RASGRP3: variants seen among roughly 807,000 people sequenced by gnomAD.
RASGRP3 encodes ras guanyl-releasing protein 3.
Under a neutral mutation model 82.7 loss-of-function variants are expected in RASGRP3, and 54 were observed. That is an observed-to-expected ratio of 0.65 (90% confidence interval 0.52 to 0.82). The LOEUF is 0.82. Ranked by LOEUF, RASGRP3 falls within the 40% of genes least tolerant of loss-of-function variation. RASGRP3 has a pLI of 0.00. For missense variants in RASGRP3, 861 were observed against 828.9 expected (o/e 1.04, Z -0.48); for synonymous variants, 309 against 300.5 (o/e 1.03, Z -0.29).
intron 14 of RASGRP3, among the ~76,000 whole-genome samples, chr2:33,551,702 T>A (rs936240496): frequency 6.6e-6 from 1 of 151,042 alleles, no homozygotes; most frequent in Middle Eastern, 3.2e-3. Flanking sequence ...ATAACAATAA[T>A]AAAAAACTCG....
intron 14 of RASGRP3, among the ~76,000 whole-genome samples, chr2:33,552,628 G>A (rs1054273386): frequency 5.9e-5 from 9 of 152,230 alleles, no homozygotes; most frequent in Non-Finnish European, 1.0e-4. Flanking sequence ...TTCCAGTGCC[G>A]GAACCATCTG....
intron 1 of RASGRP3, among the ~76,000 whole-genome samples, chr2:33,486,255 C>G (rs1159349410): frequency 6.6e-6 from 1 of 151,664 alleles, no homozygotes; most frequent in African/African-American, 2.4e-5. Flanking sequence ...ACCTCTGTCT[C>G]CTAGTTCAAG....
intron 1 of RASGRP3, among the ~76,000 whole-genome samples, chr2:33,492,247 T>C (rs1012491957): frequency 3.3e-5 from 5 of 152,218 alleles, no homozygotes; most frequent in Admixed American, 6.5e-5. Flanking sequence ...CTTTGTCTTC[T>C]TCAGAAATCC....
intron 1 of RASGRP3, among the ~76,000 whole-genome samples, chr2:33,505,135 CCAT>C (rs762191069): frequency 2.7e-5 from 4 of 148,538 alleles, no homozygotes; most frequent in East Asian, 3.9e-4. Flanking sequence ...CATATCATCA[CCAT>C]CATCATCATC....
chr2:33,559,305 A>T (rs984477201), intron 17 of RASGRP3, among the ~76,000 whole-genome samples: 4 of 152,198 alleles, frequency 2.6e-5, no homozygotes, highest in Admixed American at 2.6e-4. Context: ...TACTGAAATG[A>T]TGCCCCAGAA....
At position 33,499,527 on chromosome 2, in the gene RASGRP3, C is replaced by T. The variant is rs141597084; in HGVS notation, c.-260-12183C>T. ...GTGCCAAGATCACGCCACTGCACTCCAGCCTGGGCAACGGAGTGAGACCCG... is the reference window on the plus strand; with the variant it reads ...GTGCCAAGATCACGCCACTGCACTCTAGCCTGGGCAACGGAGTGAGACCCG... On this transcript the variant is annotated intron_variant, in intron 1 of 17. Transcript: ENST00000403687. 9.4e-3 allele frequency among the ~76,000 whole-genome samples: 1,426 copies of T among 152,236 alleles called. 14 individuals are homozygous for T. Among genetic ancestry groups the T allele is most frequent in the African/African-American group, 0.025 (1,036 of 41,530 alleles).
chr2:33,448,785 G>A lies in RASGRP3; in HGVS notation c.-261+842G>A, dbSNP rs76661478. On this transcript the variant is annotated intron_variant, in intron 2 of 18. Coordinates refer to the RASGRP3 transcript ENST00000402538. ...TGAATGTAATTAATACCACTGAATA[G>A]TACACGTAAAAATGGTCAAAATAGC... Among the ~76,000 whole-genome samples, 574 of 152,106 alleles carry A rather than the reference G, an allele frequency of 3.8e-3. 1 individual carries two copies. Among genetic ancestry groups the A allele is most frequent in the African/African-American group, 0.013 (543 of 41,500 alleles).
chr2:33,436,847 G>T, intron 1 of RASGRP3, among the ~76,000 whole-genome samples: 1 of 152,108 alleles, frequency 6.6e-6, no homozygotes, highest in South Asian at 2.1e-4. Flanking sequence ...ATTATCAGGG[G>T]TTTAGATAGT....
chr2:33,469,332 C>T (rs969321580), intron 2 of RASGRP3, among the ~76,000 whole-genome samples: 1 of 152,038 alleles, frequency 6.6e-6, no homozygotes, highest in Non-Finnish European at 1.5e-5. Context: ...AAATCGTGAA[C>T]TTTTATCTTT....
At chr2:33,476,797 T>TGTGTGTG (rs1558419261) in intron 1 of RASGRP3, 90 bp downstream of exon 1, 1 of 52,112 alleles carries the variant, frequency 1.9e-5, no homozygotes, top group African/African-American at 9.9e-5. Context: ...GTGTGTGTGT[T>TGTGTGTG]GCAAGCCACC....
chr2:33,552,380 C>T (rs557668695), intron 14 of RASGRP3, among the ~76,000 whole-genome samples: 12 of 152,184 alleles, frequency 7.9e-5, no homozygotes, highest in Non-Finnish European at 1.3e-4. Context: ...ACACGTTGCA[C>T]GTCACATGGC....
intron 5 of RASGRP3, 90 bp from the exon 6 acceptor site, chr2:33,520,463 G>A: frequency 6.6e-7 from 1 of 1,517,206 alleles, no homozygotes; most frequent in Middle Eastern, 1.7e-4. Context: ...TGGACTTGGT[G>A]TTAAATGTAG....
At chr2:33,544,133 G>T (rs888149908) in intron 13 of RASGRP3, among the ~76,000 whole-genome samples, 2 of 152,134 alleles carry the variant, frequency 1.3e-5, no homozygotes, top group African/African-American at 4.8e-5. Flanking sequence ...GGCCAACATG[G>T]TGAAACTCTG....
At chr2:33,500,212 T>C (rs34958143) in intron 1 of RASGRP3, among the ~76,000 whole-genome samples, 3,726 of 150,820 alleles carry the variant, frequency 0.025, 67 homozygotes, top group Non-Finnish European at 0.035. Flanking sequence ...AGGGAGGGAA[T>C]GCAGGGGGCA....
At chr2:33,552,179 T>G (rs1230401695) in intron 14 of RASGRP3, among the ~76,000 whole-genome samples, 2 of 152,218 alleles carry the variant, frequency 1.3e-5, no homozygotes, top group Non-Finnish European at 2.9e-5. Flanking sequence ...GACCTGCTGG[T>G]GCTACATTCT....
chr2:33,498,576 A>G (rs554512252), intron 1 of RASGRP3, among the ~76,000 whole-genome samples: 19 of 152,310 alleles, frequency 1.2e-4, no homozygotes, highest in Middle Eastern at 3.4e-3. Context: ...TGAGTGAAAG[A>G]ATGAACAAAT....
chr2:33,437,195 T>C (rs1286030754), intron 1 of RASGRP3, among the ~76,000 whole-genome samples: 2 of 152,202 alleles, frequency 1.3e-5, no homozygotes, highest in East Asian at 1.9e-4. Flanking sequence ...ATAGTAGTTA[T>C]GTAGATTTAA....
intron 11 of RASGRP3, among the ~76,000 whole-genome samples, chr2:33,537,083 A>G (rs371755862): frequency 1.3e-5 from 2 of 151,988 alleles, no homozygotes; most frequent in Admixed American, 1.3e-4. Flanking sequence ...GTGAAGGCAG[A>G]GGTTTTATTG....
rs1348696058 is a variant in RASGRP3, at chr2:33,540,753, ATCT to A, written c.1278+1547_1278+1549del. On this transcript the variant is annotated intron_variant, in intron 12 of 17. Transcript: ENST00000403687. ...TATGATGAATTTTACTCCGCAAAAA[ATCT>A]TCTACTCGTGGTATAAATATGGATG... Among the ~76,000 whole-genome samples the A allele has an allele frequency of 6.0e-4, 88 of 145,862 alleles. 9 individuals carry two copies. The highest frequency in any genetic ancestry group is 4.9e-5 in the African/African-American group (2 of 41,000).
Sources: allele counts gnomAD v4.1 joint callset (sites outside exome capture counted in the v4.1 genomes callset), GRCh38; gene constraint gnomAD v4.1.1; transcripts MANE v1.5; gene names NCBI Gene and HGNC (gene_info 2026-07-23, HGNC 2026-07-21).